The following NT5C1B variants were observed in gnomAD, a reference collection of about 807,000 sequenced individuals.
NT5C1B encodes cytosolic 5'-nucleotidase 1B.
A neutral mutation model predicts 57.8 loss-of-function variants in NT5C1B; 44 were observed. The observed-to-expected ratio is 0.76, with a 90% CI of 0.60 to 0.98. The LOEUF (loss-of-function observed/expected upper bound fraction) is 0.98. Ranked by LOEUF, NT5C1B falls within the 50% of genes least tolerant of loss-of-function variation. The pLI, the probability that NT5C1B is intolerant of heterozygous loss-of-function variation, is 0.00. For synonymous variants in NT5C1B, 284 were observed against 282.6 expected (o/e 1.00, Z -0.05); for missense variants, 742 against 719.5 (o/e 1.03, Z -0.36).
chr2:18,574,698 G>A (rs963551169), intron 8 of NT5C1B, among the ~76,000 whole-genome samples: 6 of 152,038 alleles, frequency 3.9e-5, no homozygotes, highest in Non-Finnish European at 7.4e-5. Flanking sequence ...ATGAGACCTG[G>A]AAGATCTGCT....
intron 8 of NT5C1B, among the ~76,000 whole-genome samples, chr2:18,568,517 G>GA (rs1489164684): frequency 1.3e-5 from 2 of 152,160 alleles, no homozygotes; most frequent in Non-Finnish European, 2.9e-5. Context: ...GAAGATCTCT[G>GA]AAAATGATTA....
chr2:18,589,419 A>G lies in NT5C1B; in HGVS notation c.30+20T>C, dbSNP rs112530147. ...TTCTTCAGCCCCATGGCAAGATTCT[A>G]AGACACTCGGTTCACTCACCTTTTT... On this transcript the variant is annotated intron_variant, in intron 1 of 8. Coordinates refer to ENST00000304081, the Ensembl canonical transcript of NT5C1B. 3,733 of 1,614,094 alleles carry G rather than the reference A, an allele frequency of 2.3e-3. 58 individuals carry two copies. Among genetic ancestry groups the G allele is most frequent in the Non-Finnish European group, 1.5e-3 (1,811 of 1,179,970 alleles).
In NT5C1B at chr2:18,584,518, C is replaced by G; in HGVS notation, c.719G>C (p.Trp240Ser). 1.9e-6 allele frequency: 3 copies of G among 1,609,172 alleles called. No individual in the cohort carries two copies. In the South Asian group the frequency reaches 3.3e-5, roughly 18 times the overall value. The stretch of plus-strand genomic sequence containing the variant: ...AGGGGCGGCGGGCTGGCTCACCGGC[C>G]AGGGGCGCGAGCAGCTCGGGTTCTT... Residue 240 changes from tryptophan to serine, a missense_variant, in exon 4 of 9, where the codon TGG (tryptophan) becomes TCG (serine). By Grantham distance (177) the Trp-to-Ser change is radical (BLOSUM62 -3). Coordinates refer to ENST00000304081, the Ensembl canonical transcript of NT5C1B. The surrounding 1 kb of genome is among the most constrained non-coding windows in gnomAD (Gnocchi z 5.8).
At chr2:18,581,911 A>G (rs935939587) in intron 6 of NT5C1B, among the ~76,000 whole-genome samples, 1 of 152,218 alleles carries the variant, frequency 6.6e-6, no homozygotes, top group Non-Finnish European at 1.5e-5. Flanking sequence ...GTTGTACACA[A>G]TCAGTTCATC....
chr2:18,584,720 G>A lies in NT5C1B; in HGVS notation c.517C>T (p.Leu173=). Residue 173 remains leucine, a synonymous_variant, in exon 4 of 9, where the codon CTG becomes TTG. Coordinates refer to ENST00000304081, the Ensembl canonical transcript of NT5C1B. The surrounding 1 kb of genome is among the most constrained non-coding windows in gnomAD (Gnocchi z 5.8). ...GTGGGGGACGTGCGCGAATATTCCA[G>A]CGGCTGCGAGTCCCGGGTCTGGCGG... 6.2e-7 allele frequency: 1 copy of A among 1,612,972 alleles called. No individual in the cohort carries two copies. The highest frequency in any genetic ancestry group is 8.5e-7 in the Non-Finnish European group (1 of 1,179,418).
At chr2:18,585,886 C>T (rs1475729774) in intron 3 of NT5C1B, among the ~76,000 whole-genome samples, 1 of 151,892 alleles carries the variant, frequency 6.6e-6, no homozygotes, top group Admixed American at 6.6e-5. Context: ...ACTCAAAGCC[C>T]CACACAATCT....
chr2:18,586,099 A>T, intron 3 of NT5C1B, 155 bp downstream of exon 3: 1 of 1,204,046 alleles, frequency 8.3e-7, no homozygotes, highest in Non-Finnish European at 1.1e-6. Flanking sequence ...CAGTGGCAAA[A>T]TGGGATTTAC....
In NT5C1B at chr2:18,587,492, G is replaced by GGTTT; in HGVS notation, c.120+10_120+11insAAAC. 1 of 1,612,636 alleles carries GGTTT rather than the reference G, an allele frequency of 6.2e-7. No individual in the cohort carries two copies. Among genetic ancestry groups the GGTTT allele is most frequent in the Non-Finnish European group, 8.5e-7 (1 of 1,179,856 alleles). Reference sequence around the variant, plus strand: ...TTAATTTCCTCACCTCTGCTACAGAGATCAGCTCACCTGATTGCTCAGACG... The same window carrying GGTTT: ...TTAATTTCCTCACCTCTGCTACAGAGGTTTATCAGCTCACCTGATTGCTCAGACG... On this transcript the variant is annotated intron_variant, in intron 2 of 8. Transcript: ENST00000304081.
chr2:18,586,761 A>AT, intron 2 of NT5C1B: 2 of 702,724 alleles, frequency 2.8e-6, no homozygotes, highest in Non-Finnish European at 4.6e-6. Flanking sequence ...TATATCCACC[A>AT]TTTTTTACCA....
rs768619686 is a variant in NT5C1B, at chr2:18,576,392, A to C, written c.1145-24T>G. ...ACCTGATAGATCATGGAGACTGATT[A>C]ATACTCTTCTCAGGTCCATGAGTTA... On this transcript the variant is annotated intron_variant, in intron 7 of 8. Transcript: ENST00000304081. The C allele has an allele frequency of 1.9e-6, 3 of 1,600,374 alleles. No individual in the cohort carries two copies. The South Asian group carries it at 3.4e-5, about 18-fold the overall frequency.
chr2:18,571,735 T>C (rs1473973915), intron 8 of NT5C1B, among the ~76,000 whole-genome samples: 1 of 58,410 alleles, frequency 1.7e-5, no homozygotes, highest in Non-Finnish European at 3.4e-5. Flanking sequence ...TATATATATA[T>C]ATATATATAT....
intron 7 of NT5C1B, 60 bp downstream of exon 7, chr2:18,576,713 T>G (rs1187890010): frequency 1.3e-6 from 2 of 1,592,212 alleles, no homozygotes; most frequent in African/African-American, 2.7e-5. Flanking sequence ...CGAAACTTAA[T>G]GTAAGTCACC....
At chr2:18,578,462 A>G (rs778150933) in intron 6 of NT5C1B, among the ~76,000 whole-genome samples, 1 of 152,152 alleles carries the variant, frequency 6.6e-6, no homozygotes, top group African/African-American at 2.4e-5. Context: ...AGTTGGTTCA[A>G]CATACACAAA....
In NT5C1B at chr2:18,582,961, A is replaced by G. The variant is rs531428350; in HGVS notation, c.928T>C (p.Tyr310His). 210 of 1,614,102 alleles carry G rather than the reference A, an allele frequency of 1.3e-4. 2 individuals are homozygous for G. In the South Asian group the frequency reaches 2.2e-3, roughly 17 times the overall value. ...TCAAATAAGTCCTGTTCATCAGGAT[A>G]TAGATCACGGAGTCTAGCATTGACA... The change falls in exon 6 of 9, where the codon TAT becomes CAT. Residue 310 changes from tyrosine (Y) to histidine (H), a missense_variant. Coordinates refer to ENST00000304081, the Ensembl canonical transcript of NT5C1B.
chr2:18,571,442 T>C (rs1665141155), intron 8 of NT5C1B, among the ~76,000 whole-genome samples: 1 of 150,814 alleles, frequency 6.6e-6, no homozygotes, highest in African/African-American at 2.4e-5. Context: ...TGCATAGGTA[T>C]AAATAAAAAA....
At chr2:18,565,306 C>T (rs897498037) in intron 8 of NT5C1B, among the ~76,000 whole-genome samples, 3 of 151,936 alleles carry the variant, frequency 2.0e-5, no homozygotes, top group African/African-American at 7.3e-5. Flanking sequence ...CCATTTGTGC[C>T]TTTGTGCTTC....
At chr2:18,587,761 G>T (rs1163766091) in intron 1 of NT5C1B, among the ~76,000 whole-genome samples, 169 bp from the exon 2 acceptor site, 1 of 152,008 alleles carries the variant, frequency 6.6e-6, no homozygotes, top group African/African-American at 2.4e-5. Context: ...ATGAGTAAAA[G>T]GTAACACATA....
chr2:18,586,588 C>T, intron 2 of NT5C1B, 197 bp from the exon 3 acceptor site: 3 of 860,956 alleles, frequency 3.5e-6, no homozygotes, highest in Admixed American at 3.0e-5. Flanking sequence ...CTGTTTGGAG[C>T]ATCTATGTGG....
chr2:18,563,889 G>T lies in NT5C1B; in HGVS notation c.1560C>A (p.His520Gln), dbSNP rs202025887. The stretch of plus-strand genomic sequence containing the variant: ...GGAACATGTGGTCATCAAAGAAGAT[G>T]TGGGGCCGGATCTTCACCAAGATGG... Residue 520 changes from histidine (H) to glutamine (Q), a missense_variant, in exon 9 of 9, where the codon CAC becomes CAA. Physicochemically the swap from His to Gln is conservative, Grantham distance 24. Transcript: ENST00000304081. 25 of 1,614,154 alleles carry T rather than the reference G, an allele frequency of 1.5e-5. No homozygotes were observed. The East Asian group carries it at 4.9e-4, about 32-fold the overall frequency.
Sources: gnomAD v4.1 joint callset for allele counts (sites outside exome capture counted in the v4.1 genomes callset) on GRCh38, gnomAD v4.1.1 for gene constraint, Gnocchi (gnomAD v3.1) non-coding constraint, MANE v1.5 for transcripts, NCBI Gene and HGNC (gene_info 2026-07-23, HGNC 2026-07-21) for gene names.